The following MKLN1 variants were observed in gnomAD, a reference collection of about 807,000 sequenced individuals.
MKLN1 encodes the protein muskelin.
MKLN1 carries 18 observed loss-of-function variants against 99.0 expected under a neutral mutation model. That is an observed-to-expected ratio of 0.18 (90% CI 0.13 to 0.27). The LOEUF is 0.27. MKLN1 is among the 10% of genes least tolerant of loss of function. The pLI is 1.00. For missense variants in MKLN1, 621 were observed against 875.9 expected, an observed-to-expected ratio of 0.71 and a Z score of 3.67; for synonymous variants, 288 against 293.2, an observed-to-expected ratio of 0.98 and a Z score of 0.18.
chr7:131,131,222 T>TAAATAAATAAAA (rs1444289782), intron 1 of MKLN1, among the ~76,000 whole-genome samples: 1 of 149,490 alleles, frequency 6.7e-6, no homozygotes, highest in African/African-American at 2.5e-5. Context: ...AATAAATAAA[T>TAAATAAATAAAA]AAAATTTAGC....
Position 131,431,921 on chromosome 7 carries a change from C to A in MKLN1, c.960+2776C>A, listed in dbSNP as rs1795533641. On this transcript the variant is annotated intron_variant, in intron 9 of 17. Transcript: ENST00000352689. ...GAATTAACAGAGGGAGGCTCTCCCCCTAACTTTACCTAATAAATACCCACT... is the reference window on the plus strand; with the variant it reads ...GAATTAACAGAGGGAGGCTCTCCCCATAACTTTACCTAATAAATACCCACT... Among the ~76,000 whole-genome samples the A allele has an allele frequency of 2.6e-5, 4 of 152,168 alleles. No homozygotes were observed. In the South Asian group the frequency reaches 8.3e-4, roughly 32 times the overall value.
Position 131,192,210 on chromosome 7 carries a change from T to TAAA in MKLN1, c.-296-10646_-296-10644dup, listed in dbSNP as rs1563247508. Among the ~76,000 whole-genome samples, 53 of 64,846 alleles carry TAAA rather than the reference T, an allele frequency of 8.2e-4. 4 individuals carry two copies. The highest frequency in any genetic ancestry group is 2.3e-3 in the African/African-American group (31 of 13,294). 42.5% of individuals were successfully genotyped at this position (64,846 alleles called of 152,430 possible). On this transcript the variant is annotated intron_variant, in intron 2 of 7. Coordinates refer to the MKLN1 transcript ENST00000416992. ...TATAAAATATAATATATACAATATATAAATATATAAAATATATACAATATA... is the reference window on the plus strand; with the variant it reads ...TATAAAATATAATATATACAATATATAAAAAATATATAAAATATATACAATATA...
chr7:131,216,494 T>C (rs1332870710), intron 3 of MKLN1, among the ~76,000 whole-genome samples: 1 of 152,110 alleles, frequency 6.6e-6, no homozygotes, highest in Non-Finnish European at 1.5e-5. Context: ...ATTTTTCTCC[T>C]TTATATTTTA....
At chr7:131,389,022 C>A in intron 4 of MKLN1, 50 bp downstream of exon 4, 2 of 1,279,986 alleles carry the variant, frequency 1.6e-6, no homozygotes, top group South Asian at 1.3e-5. Flanking sequence ...TATCATCAGT[C>A]AGCAAACTAT....
At chr7:131,287,238 C>T (rs1297884723) in intron 3 of MKLN1, among the ~76,000 whole-genome samples, 4 of 152,260 alleles carry the variant, frequency 2.6e-5, no homozygotes, top group Non-Finnish European at 4.4e-5. Context: ...CATCTGGCTC[C>T]TGTCCTGGTT....
At chr7:131,478,595 C>CTTTTTTTTTTTTTTTTTTTTTT in intron 16 of MKLN1, 28 bp from the exon 17 acceptor site, 1 of 1,034,246 alleles carries the variant, frequency 9.7e-7, no homozygotes, top group Non-Finnish European at 1.2e-6. Context: ...TTTGCTGCTT[C>CTTTTTTTTTTTTTTTTTTTTTT]TTTTTTTTTT....
chr7:131,188,101 T>C (rs192975078), intron 2 of MKLN1, among the ~76,000 whole-genome samples: 1 of 152,282 alleles, frequency 6.6e-6, no homozygotes, highest in Admixed American at 6.5e-5. Context: ...GTTATCGAAT[T>C]TTAAAAATTC....
intron 1 of MKLN1, among the ~76,000 whole-genome samples, chr7:131,341,216 A>G (rs1799398641): frequency 6.6e-6 from 1 of 151,854 alleles, no homozygotes. Context: ...TTTATGTACC[A>G]TACGGTTCTT....
At chr7:131,283,788 CTG>C (rs1584890021) in intron 3 of MKLN1, among the ~76,000 whole-genome samples, 1 of 152,178 alleles carries the variant, frequency 6.6e-6, no homozygotes, top group South Asian at 2.1e-4. Context: ...CTGTTGAAGA[CTG>C]TGAGTGTCCT....
chr7:131,199,570 G>A (rs1052846465), intron 2 of MKLN1, among the ~76,000 whole-genome samples: 3 of 152,116 alleles, frequency 2.0e-5, no homozygotes, highest in Non-Finnish European at 2.9e-5. Context: ...GAGAAGAAAG[G>A]GCATATATTT....
intron 1 of MKLN1, among the ~76,000 whole-genome samples, chr7:131,111,379 T>G (rs1280866604): frequency 6.6e-6 from 1 of 152,196 alleles, no homozygotes; most frequent in Non-Finnish European, 1.5e-5. Flanking sequence ...CCCACATATC[T>G]TGTTTTCCTA....
At chr7:131,466,030 C>T (rs1160489642) in intron 14 of MKLN1, among the ~76,000 whole-genome samples, 1 of 152,150 alleles carries the variant, frequency 6.6e-6, no homozygotes, top group Non-Finnish European at 1.5e-5. Context: ...TTCATACCTT[C>T]CACTGTCATT....
chr7:131,273,132 G>T (rs1380550038), intron 3 of MKLN1, among the ~76,000 whole-genome samples: 1 of 152,160 alleles, frequency 6.6e-6, no homozygotes, highest in East Asian at 1.9e-4. Context: ...CTAGAACTTG[G>T]CAGGGCTGGG....
At chr7:131,339,303 T>C (rs928449104) in intron 1 of MKLN1, among the ~76,000 whole-genome samples, 6 of 152,262 alleles carry the variant, frequency 3.9e-5, no homozygotes, top group Non-Finnish European at 7.3e-5. Context: ...GAAGTTATTG[T>C]TAAGCAGTTG....
At chr7:131,334,482 A>C (rs1264275818) in intron 1 of MKLN1, among the ~76,000 whole-genome samples, 1 of 152,162 alleles carries the variant, frequency 6.6e-6, no homozygotes, top group African/African-American at 2.4e-5. Context: ...TGATTCCTAG[A>C]ATTAGATATT....
At chr7:131,208,157 G>A (rs771600898) in intron 3 of MKLN1, among the ~76,000 whole-genome samples, 1 of 152,188 alleles carries the variant, frequency 6.6e-6, no homozygotes. Context: ...TACAATTAGG[G>A]TATAAGTGGC....
chr7:131,162,425 A>G (rs910604500), intron 2 of MKLN1, among the ~76,000 whole-genome samples: 1 of 152,228 alleles, frequency 6.6e-6, no homozygotes, highest in African/African-American at 2.4e-5. Flanking sequence ...TCAGTAGCAC[A>G]TAAATGAGCG....
At position 131,308,261 on chromosome 7, in the gene MKLN1, G is replaced by GTT. The variant is rs35421090; in HGVS notation, c.-178-67146_-178-67145dup. On this transcript the variant is annotated intron_variant, in intron 3 of 7. Coordinates refer to the MKLN1 transcript ENST00000416992. Reference sequence around the variant, plus strand: ...TTCTTAAATTACCCAGTCTCACGTAGTTTTTTTTTTTTTTTTTTGAGATGG... The same window carrying GTT: ...TTCTTAAATTACCCAGTCTCACGTAGTTTTTTTTTTTTTTTTTTTTGAGATGG... Among the ~76,000 whole-genome samples the GTT allele has an allele frequency of 2.2e-3, 291 of 132,524 alleles. 4 individuals carry two copies. In the East Asian group the frequency reaches 0.035, roughly 16 times the overall value. 86.9% of individuals were successfully genotyped at this position (132,524 alleles called of 152,430 possible).
intron 2 of MKLN1, among the ~76,000 whole-genome samples, chr7:131,164,121 T>A (rs1453293789): frequency 6.6e-6 from 1 of 152,056 alleles, no homozygotes; most frequent in African/African-American, 2.4e-5. Flanking sequence ...TTTGTTTTTG[T>A]TTTTTCTTGA....
Sources: allele counts gnomAD v4.1 joint callset (sites outside exome capture counted in the v4.1 genomes callset), GRCh38; gene constraint gnomAD v4.1.1; transcripts MANE v1.5; gene names NCBI Gene and HGNC (gene_info 2026-07-23, HGNC 2026-07-21).